Variants in RAB31 observed in about 807,000 individuals in gnomAD.
RAB31 encodes ras-related protein Rab-31.
Under a neutral mutation model 25.6 loss-of-function variants are expected in RAB31, and 21 were observed. That is an observed-to-expected ratio of 0.82 (90% CI 0.58 to 1.18). RAB31 has a LOEUF of 1.18. Among genes scored for constraint, RAB31 ranks in the 50% most tolerant of loss-of-function variants. The probability of loss-of-function intolerance (pLI) is 0.00; values close to 1 mark genes in which losing one functional copy is unlikely to be tolerated. For synonymous variants in RAB31, 87 were observed against 84.0 expected (o/e 1.04, Z -0.20); for missense variants, 196 against 250.1 (o/e 0.78, Z 1.46).
chr18:9,825,786 C>A (rs1027632434), intron 5 of RAB31, among the ~76,000 whole-genome samples: 1 of 152,228 alleles, frequency 6.6e-6, no homozygotes, highest in Non-Finnish European at 1.5e-5. Flanking sequence ...AATGACTCAT[C>A]ATCTTTCAGG....
chr18:9,855,068 G>A lies in RAB31; in HGVS notation c.491-4160G>A, dbSNP rs143278310. 5.1e-3 allele frequency among the ~76,000 whole-genome samples: 778 copies of A among 152,334 alleles called. 9 individuals carry two copies. Among genetic ancestry groups the A allele is most frequent in the African/African-American group, 0.018 (754 of 41,576 alleles). ...AGGAAATGGCTGGTCCACGGGGAAA[G>A]GGAACAGCCCCAGCTAAGCTTGCTG... On this transcript the variant is annotated intron_variant, in intron 6 of 6. Coordinates refer to ENST00000578921, the MANE Select transcript of RAB31 (RefSeq NM_006868.4).
chr18:9,824,570 G>A (rs913987400), intron 5 of RAB31, among the ~76,000 whole-genome samples: 1 of 152,188 alleles, frequency 6.6e-6, no homozygotes, highest in Non-Finnish European at 1.5e-5. Context: ...TTGCTGGATG[G>A]AAATGGAATT....
chr18:9,733,362 G>T (rs12457728), intron 1 of RAB31, among the ~76,000 whole-genome samples: 1 of 152,032 alleles, frequency 6.6e-6, no homozygotes. Flanking sequence ...GGCATATATG[G>T]TGTATGTTCT....
At chr18:9,801,561 G>A (rs941974304) in intron 3 of RAB31, among the ~76,000 whole-genome samples, 1 of 152,248 alleles carries the variant, frequency 6.6e-6, no homozygotes, top group South Asian at 2.1e-4. Context: ...GATTACAGGT[G>A]TAAGCCACCG....
intron 1 of RAB31, among the ~76,000 whole-genome samples, chr18:9,716,061 CT>C (rs1419365817): frequency 6.6e-6 from 1 of 152,180 alleles, no homozygotes; most frequent in African/African-American, 2.4e-5. Context: ...CCCAAATGTC[CT>C]TTCCAGCTAT....
intron 1 of RAB31, among the ~76,000 whole-genome samples, chr18:9,745,815 A>G (rs1252410223): frequency 1.3e-5 from 2 of 152,226 alleles, no homozygotes; most frequent in Non-Finnish European, 2.9e-5. Flanking sequence ...CACAGCTAGC[A>G]TCCTGTTCAA....
intron 5 of RAB31, among the ~76,000 whole-genome samples, chr18:9,823,508 A>G (rs2068633869): frequency 6.6e-6 from 1 of 152,234 alleles, no homozygotes; most frequent in Non-Finnish European, 1.5e-5. Context: ...GTGACCATTT[A>G]GGGAAACTGG....
At chr18:9,734,107 G>GA (rs1284299831) in intron 1 of RAB31, among the ~76,000 whole-genome samples, 1 of 96,428 alleles carries the variant, frequency 1.0e-5, no homozygotes, top group Non-Finnish European at 2.1e-5. Flanking sequence ...CGGGGAGGAG[G>GA]GAGGGAGGGA....
intron 1 of RAB31, among the ~76,000 whole-genome samples, chr18:9,737,983 C>G (rs2068159018): frequency 6.6e-6 from 1 of 152,204 alleles, no homozygotes; most frequent in Non-Finnish European, 1.5e-5. Context: ...GGCAGGCAGC[C>G]AGCCGGCCGG....
At chr18:9,733,748 C>T (rs2068135247) in intron 1 of RAB31, among the ~76,000 whole-genome samples, 1 of 152,090 alleles carries the variant, frequency 6.6e-6, no homozygotes, top group South Asian at 2.1e-4. Flanking sequence ...CTTCTGCAGC[C>T]AGCCTCTCCG....
Position 9,713,503 on chromosome 18 carries a change from C to T in RAB31, c.39+5059C>T, listed in dbSNP as rs1225163592. Among the ~76,000 whole-genome samples, 3 of 152,132 alleles carry T rather than the reference C, an allele frequency of 2.0e-5. No homozygotes were observed. In the East Asian group the frequency reaches 5.8e-4, roughly 29 times the overall value. ...TGCCTGGCATATGGTAACACTGTGT[C>T]TTATGCACCCATCCCAGGCTGATGG... is the stretch of plus-strand genomic sequence containing the variant. On this transcript the variant is annotated intron_variant, in intron 1 of 6. Transcript: ENST00000578921.
chr18:9,771,265 G>A (rs1404268235), intron 1 of RAB31, among the ~76,000 whole-genome samples: 1 of 152,180 alleles, frequency 6.6e-6, no homozygotes, highest in African/African-American at 2.4e-5. Flanking sequence ...AAAAGAGTTT[G>A]GTTCTGACTC....
intron 1 of RAB31, among the ~76,000 whole-genome samples, chr18:9,765,756 A>G (rs760472692): frequency 6.6e-6 from 1 of 152,210 alleles, no homozygotes; most frequent in African/African-American, 2.4e-5. Flanking sequence ...GACTCAAGTG[A>G]GGAAGGAACT....
At chr18:9,850,847 C>T (rs2143145520) in intron 6 of RAB31, among the ~76,000 whole-genome samples, 1 of 150,868 alleles carries the variant, frequency 6.6e-6, no homozygotes, top group East Asian at 2.0e-4. Flanking sequence ...GCCTGGGCAA[C>T]AGAACGAGAT....
chr18:9,815,080 G>T (rs2143079410), intron 4 of RAB31, 36 bp from the exon 5 acceptor site: 11 of 1,358,726 alleles, frequency 8.1e-6, no homozygotes, highest in Non-Finnish European at 1.1e-5. Flanking sequence ...TATATTGAGG[G>T]GTCTTTCTAA....
chr18:9,756,992 C>G (rs778624704), intron 1 of RAB31, among the ~76,000 whole-genome samples: 3 of 152,308 alleles, frequency 2.0e-5, no homozygotes, highest in South Asian at 2.1e-4. Flanking sequence ...CTGACATGCT[C>G]CTACCAGAGT....
At chr18:9,763,488 A>G (rs1195043094) in intron 1 of RAB31, among the ~76,000 whole-genome samples, 1 of 152,044 alleles carries the variant, frequency 6.6e-6, no homozygotes, top group African/African-American at 2.4e-5. Flanking sequence ...ATAATAATTG[A>G]TATTAGGAAA....
At chr18:9,858,886 G>A (rs1426558169) in intron 6 of RAB31, among the ~76,000 whole-genome samples, 1 of 152,210 alleles carries the variant, frequency 6.6e-6, no homozygotes, top group Admixed American at 6.5e-5. Flanking sequence ...TGGGAAGGCA[G>A]GGAGAGGGAA....
intron 1 of RAB31, among the ~76,000 whole-genome samples, chr18:9,767,658 G>A (rs2068322974): frequency 6.6e-6 from 1 of 152,168 alleles, no homozygotes; most frequent in South Asian, 2.1e-4. Context: ...TGCCATGAGA[G>A]CAGGATTAAG....
Sources: allele counts gnomAD v4.1 joint callset (sites outside exome capture counted in the v4.1 genomes callset), GRCh38; gene constraint gnomAD v4.1.1; transcripts MANE v1.5; gene names NCBI Gene and HGNC (gene_info 2026-07-23, HGNC 2026-07-21).